Variants in AFG2A observed in about 807,000 individuals in gnomAD.
AFG2A encodes the protein AAA ATPase AFG2A.
At chr4:123,002,259 A>C in the AFG2A span, among the ~76,000 whole-genome samples, 3 of 151,662 alleles carry the variant, frequency 2.0e-5, no homozygotes, top group Non-Finnish European at 2.9e-5. Flanking sequence ...TCTTTATCCA[A>C]TTTGCCAGTC....
At chr4:123,031,907 G>A in the AFG2A span, among the ~76,000 whole-genome samples, 3 of 152,184 alleles carry the variant, frequency 2.0e-5, no homozygotes, top group African/African-American at 7.2e-5. Flanking sequence ...ATGTGTTTTT[G>A]TGTAGATTGT....
chr4:123,040,227 TATCA>T, the AFG2A span, among the ~76,000 whole-genome samples: 19 of 152,170 alleles, frequency 1.2e-4, no homozygotes, highest in Admixed American at 3.3e-4. Flanking sequence ...GCTTAATTTG[TATCA>T]ATCAATTTTT....
At chr4:123,229,190 T>C in the AFG2A span, among the ~76,000 whole-genome samples, 1 of 151,942 alleles carries the variant, frequency 6.6e-6, no homozygotes, top group Non-Finnish European at 1.5e-5. Flanking sequence ...CCAAGTGCTG[T>C]GGAAGGACAT....
the AFG2A span, among the ~76,000 whole-genome samples, chr4:122,939,880 T>C: frequency 1.3e-5 from 2 of 152,064 alleles, no homozygotes; most frequent in African/African-American, 4.8e-5. Flanking sequence ...GAACATGCAG[T>C]GTTTGGTTTT....
the AFG2A span, among the ~76,000 whole-genome samples, chr4:123,177,192 A>ATTT: frequency 0.01 from 1,347 of 130,216 alleles, 24 homozygotes; most frequent in Non-Finnish European, 0.016. Context: ...GCTTGATTTG[A>ATTT]TTTTTTTTTT....
At chr4:123,304,939 A>G in the AFG2A span, among the ~76,000 whole-genome samples, 8 of 152,226 alleles carry the variant, frequency 5.3e-5, no homozygotes, top group African/African-American at 1.9e-4. Context: ...AAATTGCTGC[A>G]TAGCCATGAC....
chr4:122,943,181 G>A, the AFG2A span, among the ~76,000 whole-genome samples: 1 of 152,126 alleles, frequency 6.6e-6, no homozygotes, highest in Non-Finnish European at 1.5e-5. Flanking sequence ...TTCAATTCCT[G>A]GGTATCCTTG....
At chr4:123,161,793 A>G in the AFG2A span, among the ~76,000 whole-genome samples, 4 of 152,190 alleles carry the variant, frequency 2.6e-5, no homozygotes, top group Non-Finnish European at 5.9e-5. Flanking sequence ...GGAAAGAAAT[A>G]TAAGACAAGA....
the AFG2A span, among the ~76,000 whole-genome samples, chr4:123,192,872 A>T: frequency 1.3e-5 from 2 of 152,232 alleles, no homozygotes; most frequent in Non-Finnish European, 2.9e-5. Flanking sequence ...AAACTGGCTT[A>T]TTTAAAAATA....
the AFG2A span, among the ~76,000 whole-genome samples, chr4:123,104,227 TTA>T: frequency 6.6e-6 from 1 of 152,192 alleles, no homozygotes; most frequent in Admixed American, 6.5e-5. Flanking sequence ...ATTATTATTA[TTA>T]TGTTATCTTG....
chr4:122,976,567 C>T, the AFG2A span, among the ~76,000 whole-genome samples: 1 of 152,138 alleles, frequency 6.6e-6, no homozygotes, highest in Non-Finnish European at 1.5e-5. Context: ...GATGGGCTTT[C>T]CTAAGATTGA....
the AFG2A span, among the ~76,000 whole-genome samples, chr4:123,242,847 C>A: frequency 5.9e-5 from 9 of 152,014 alleles, no homozygotes; most frequent in South Asian, 1.9e-3. Context: ...TGCAATCTAC[C>A]CATCTGACAA....
At chr4:123,294,948 G>A in the AFG2A span, among the ~76,000 whole-genome samples, 1 of 152,160 alleles carries the variant, frequency 6.6e-6, no homozygotes, top group Non-Finnish European at 1.5e-5. Context: ...AACCATACTG[G>A]TTTGCAGCAC....
chr4:123,154,003 T>A, the AFG2A span, among the ~76,000 whole-genome samples: 2 of 152,186 alleles, frequency 1.3e-5, no homozygotes, highest in Non-Finnish European at 1.5e-5. Context: ...TAAAGACATT[T>A]GTCTTTCAAA....
chr4:123,065,340 C>A, the AFG2A span, among the ~76,000 whole-genome samples: 1 of 152,244 alleles, frequency 6.6e-6, no homozygotes, highest in Middle Eastern at 3.4e-3. Context: ...GTGAACAGAA[C>A]CTAGGACAGG....
At chr4:123,255,715 C>CTT in the AFG2A span, among the ~76,000 whole-genome samples, 1,026 of 103,650 alleles carry the variant, frequency 9.9e-3, 21 homozygotes, top group Non-Finnish European at 0.015. Context: ...TACTGCTTTT[C>CTT]TATTTTTTTT....
chr4:123,256,721 C>T, the AFG2A span: 5 of 985,404 alleles, frequency 5.1e-6, no homozygotes, highest in Non-Finnish European at 6.0e-6. Flanking sequence ...GGACCATCTG[C>T]CCTTACCTCT....
chr4:122,953,559 C>T, the AFG2A span, among the ~76,000 whole-genome samples: 1 of 152,230 alleles, frequency 6.6e-6, no homozygotes, highest in Non-Finnish European at 1.5e-5. Context: ...TGGCTTTCAT[C>T]CAGTCTAACA....
the AFG2A span, chr4:122,938,024 T>A: frequency 5.2e-6 from 6 of 1,150,152 alleles, no homozygotes; most frequent in Non-Finnish European, 7.1e-6. Flanking sequence ...ATTAAGTGAA[T>A]TCTAAATTTG....
Sources: gnomAD v4.1 joint callset for allele counts (sites outside exome capture counted in the v4.1 genomes callset) on GRCh38, gnomAD v4.1.1 for gene constraint, MANE v1.5 for transcripts, NCBI Gene and HGNC (gene_info 2026-07-23, HGNC 2026-07-21) for gene names.